PRORP: variants seen among roughly 807,000 people sequenced by gnomAD.
The protein encoded by PRORP is protein only RNase P catalytic subunit.
In PRORP, 51 loss-of-function variants were observed where a neutral mutation model predicts 59.4. That is an observed-to-expected ratio of 0.86 (90% CI 0.69 to 1.08). The LOEUF (loss-of-function observed/expected upper bound fraction) is 1.08. Among genes scored for constraint, PRORP ranks in the 50% least tolerant of loss-of-function variants. The pLI, the probability that PRORP is intolerant of heterozygous loss-of-function variation, is 0.00. For missense variants in PRORP, 646 were observed against 690.3 expected, an observed-to-expected ratio of 0.94 and a Z score of 0.72; for synonymous variants, 231 against 245.6, an observed-to-expected ratio of 0.94 and a Z score of 0.55.
At chr14:35,250,298 A>T (rs1283684097) in intron 5 of PRORP, among the ~76,000 whole-genome samples, 1 of 151,778 alleles carries the variant, frequency 6.6e-6, no homozygotes, top group East Asian at 1.9e-4. Flanking sequence ...CTCCTCAAAC[A>T]CCCTACCTAC....
intron 5 of PRORP, among the ~76,000 whole-genome samples, chr14:35,181,656 G>A (rs2048609567): frequency 6.6e-6 from 1 of 151,604 alleles, no homozygotes; most frequent in Admixed American, 6.6e-5. Context: ...ATGGTGGCAT[G>A]TACCTGTAAT....
At chr14:35,247,869 C>T (rs1299659611) in intron 5 of PRORP, among the ~76,000 whole-genome samples, 1 of 152,150 alleles carries the variant, frequency 6.6e-6, no homozygotes, top group African/African-American at 2.4e-5. Context: ...AGAAAAGTCA[C>T]ACTGTGAGTC....
intron 5 of PRORP, among the ~76,000 whole-genome samples, chr14:35,254,108 C>G (rs2050687581): frequency 6.6e-6 from 1 of 151,368 alleles, no homozygotes; most frequent in Non-Finnish European, 1.5e-5. Flanking sequence ...TATCTTGGTA[C>G]CATCATCTAT....
intron 4 of PRORP, among the ~76,000 whole-genome samples, chr14:35,155,749 A>G (rs1278479645): frequency 6.6e-6 from 1 of 151,866 alleles, no homozygotes; most frequent in Non-Finnish European, 1.5e-5. Context: ...TAAATAGTAT[A>G]TATTCATTAG....
At chr14:35,257,569 A>G (rs1413529025) in intron 5 of PRORP, among the ~76,000 whole-genome samples, 4 of 152,238 alleles carry the variant, frequency 2.6e-5, no homozygotes, top group Non-Finnish European at 5.9e-5. Context: ...ATATGTATAT[A>G]CCACATTTTA....
intron 7 of PRORP, among the ~76,000 whole-genome samples, chr14:35,271,081 C>T (rs1594364690): frequency 2.0e-5 from 3 of 151,338 alleles, no homozygotes; most frequent in South Asian, 2.1e-4. Flanking sequence ...AGCAAGACTC[C>T]GTCTCAAAAA....
At chr14:35,241,996 A>G (rs1373220167) in intron 5 of PRORP, among the ~76,000 whole-genome samples, 3 of 152,184 alleles carry the variant, frequency 2.0e-5, no homozygotes, top group Admixed American at 6.5e-5. Context: ...GGCAGGGACC[A>G]TGTCTTGTTT....
intron 4 of PRORP, among the ~76,000 whole-genome samples, chr14:35,139,199 C>A (rs2047432294): frequency 6.9e-6 from 1 of 145,870 alleles, no homozygotes; most frequent in Non-Finnish European, 1.5e-5. Context: ...TCAAGTGATT[C>A]TCCTGCCTTG....
At chr14:35,191,589 G>T (rs918039970) in intron 5 of PRORP, among the ~76,000 whole-genome samples, 6 of 152,132 alleles carry the variant, frequency 3.9e-5, no homozygotes, top group African/African-American at 1.2e-4. Flanking sequence ...TGTGGTTCCA[G>T]CTTCTCAGAA....
At chr14:35,251,310 C>G (rs1002574208) in intron 5 of PRORP, among the ~76,000 whole-genome samples, 1 of 152,112 alleles carries the variant, frequency 6.6e-6, no homozygotes, top group East Asian at 1.9e-4. Flanking sequence ...AAGATACTTG[C>G]ACACACAAGT....
In PRORP at chr14:35,183,558, G is replaced by A. The variant is rs542072263; in HGVS notation, c.1275+2781G>A. On this transcript the variant is annotated intron_variant, in intron 5 of 7. Coordinates refer to ENST00000534898, the MANE Select transcript of PRORP (RefSeq NM_014672.4). Reference sequence around the variant, plus strand: ...AAGTAATACTTGGAAGACAGCCTCTGTGCATGTTTCATAGGATGTCTTTGG... The same window carrying A: ...AAGTAATACTTGGAAGACAGCCTCTATGCATGTTTCATAGGATGTCTTTGG... Among the ~76,000 whole-genome samples the A allele has an allele frequency of 1.2e-3, 177 of 152,226 alleles. 1 individual carries two copies. In the South Asian group the frequency reaches 0.013, roughly 11 times the overall value.
intron 5 of PRORP, among the ~76,000 whole-genome samples, chr14:35,253,932 C>T (rs374368789): frequency 1.3e-5 from 2 of 151,646 alleles, no homozygotes; most frequent in Non-Finnish European, 2.9e-5. Flanking sequence ...CCTGTTACGG[C>T]TCATCTACTC....
At chr14:35,164,136 T>C (rs192743983) in intron 4 of PRORP, among the ~76,000 whole-genome samples, 3 of 152,294 alleles carry the variant, frequency 2.0e-5, no homozygotes, top group Admixed American at 2.0e-4. Flanking sequence ...TCTATATCTG[T>C]TTTTGTACCA....
intron 2 of PRORP, among the ~76,000 whole-genome samples, chr14:35,125,835 A>G (rs755959371): frequency 6.6e-6 from 1 of 152,186 alleles, no homozygotes; most frequent in South Asian, 2.1e-4. Context: ...CAGCCTGGGC[A>G]TGGTGAAACC....
chr14:35,274,306 G>T lies in PRORP; in HGVS notation c.*740G>T, dbSNP rs1372209684. ...TGGGACTACAGGCATGTATCACCAG[G>T]CTTGGCTAATTTTTTTTTTTTTTTT... On this transcript the variant is annotated 3_prime_UTR_variant, in exon 8 of 8. Coordinates refer to ENST00000534898, the MANE Select transcript of PRORP (RefSeq NM_014672.4). 1.3e-5 allele frequency: 2 copies of T among 151,096 alleles called. No homozygotes were observed. Among genetic ancestry groups the T allele is most frequent in the South Asian group, 2.1e-4 (1 of 4,736 alleles). 9.4% of individuals were successfully genotyped at this position (151,096 alleles called of 1,614,324 possible). A position where few individuals can be genotyped will look rare whatever the true frequency, so the allele number is the denominator to read the frequency against.
chr14:35,250,521 G>A (rs2050588934), intron 5 of PRORP, among the ~76,000 whole-genome samples: 1 of 152,190 alleles, frequency 6.6e-6, no homozygotes, highest in Non-Finnish European at 1.5e-5. Context: ...TGACACTGAT[G>A]CATTTTCCAA....
chr14:35,132,672 A>G (rs1330701270), intron 4 of PRORP, among the ~76,000 whole-genome samples: 3 of 151,446 alleles, frequency 2.0e-5, no homozygotes, highest in East Asian at 3.9e-4. Flanking sequence ...CTGTAATCCT[A>G]CCTACTCGGG....
chr14:35,208,730 G>A (rs1013019772), intron 5 of PRORP, among the ~76,000 whole-genome samples: 4 of 152,066 alleles, frequency 2.6e-5, no homozygotes, highest in African/African-American at 9.7e-5. Context: ...ATTAGGCCGG[G>A]CATGGTGGCT....
chr14:35,230,935 G>A (rs2050061220), intron 5 of PRORP, among the ~76,000 whole-genome samples: 1 of 103,254 alleles, frequency 9.7e-6, no homozygotes, highest in Admixed American at 1.3e-4. Context: ...GACAGGAAAA[G>A]AGAACACACA....
Sources: gnomAD v4.1 joint callset for allele counts (sites outside exome capture counted in the v4.1 genomes callset) on GRCh38, gnomAD v4.1.1 for gene constraint, MANE v1.5 for transcripts, NCBI Gene and HGNC (gene_info 2026-07-23, HGNC 2026-07-21) for gene names.